The following RGL3 variants were observed in gnomAD, a reference collection of about 807,000 sequenced individuals.
RGL3 encodes the protein ral guanine nucleotide dissociation stimulator like 3, also known as ral guanine nucleotide dissociation stimulator-like 3.
RGL3 carries 85 observed loss-of-function variants against 90.6 expected under a neutral mutation model. That is an observed-to-expected ratio of 0.94 (90% CI 0.79 to 1.12). The LOEUF (loss-of-function observed/expected upper bound fraction) is 1.12. Among genes scored for constraint, RGL3 ranks in the 50% most tolerant of loss-of-function variants. The pLI, the probability that RGL3 is intolerant of heterozygous loss-of-function variation, is 0.00. For synonymous variants in RGL3, 408 were observed against 385.5 expected, an observed-to-expected ratio of 1.06 and a Z score of -0.68; for missense variants, 1,034 against 939.2, an observed-to-expected ratio of 1.10 and a Z score of -1.32.
chr19:11,394,768 A>G (rs1968535757), intron 18 of RGL3: 6 of 420,486 alleles, frequency 1.4e-5, no homozygotes, highest in Middle Eastern at 6.9e-4. Context: ...CCCCCTCACC[A>G]TAGAGACAAG....
intron 11 of RGL3, 96 bp from the exon 12 acceptor site, chr19:11,402,343 G>C (rs1436743377): frequency 1.8e-5 from 28 of 1,579,876 alleles, no homozygotes; most frequent in Non-Finnish European, 2.3e-5. Context: ...TGTAGTAAGG[G>C]AGTGTGGGGT....
Position 11,405,324 on chromosome 19 carries a change from G to A in RGL3, c.1099C>T (p.Arg367Trp), listed in dbSNP as rs757957881. 6.2e-7 allele frequency: 1 copy of A among 1,613,230 alleles called. No individual in the cohort carries two copies. Among genetic ancestry groups the A allele is most frequent in the Non-Finnish European group, 8.5e-7 (1 of 1,179,638 alleles). Reference sequence around the variant, plus strand: ...GGAACAGGTCCCGCCCCAGCTCACCGGCTCACTGCCCCCCAGCTGCGCTTG... The same window carrying A: ...GGAACAGGTCCCGCCCCAGCTCACCAGCTCACTGCCCCCCAGCTGCGCTTG... ...RLKRSWGAVS[R>W]EPLSTFRKLS... Residue 367 changes from arginine to tryptophan, a missense_variant and splice_region_variant, in exon 8 of 19, where the codon CGG (arginine) becomes TGG (tryptophan). Physicochemically the swap from Arg to Trp is moderately radical, Grantham distance 101. Transcript: ENST00000380456.
chr19:11,400,006 GATCCCCAGTCCC>G, intron 15 of RGL3, 22 bp downstream of exon 15: 2 of 1,598,180 alleles, frequency 1.3e-6, no homozygotes, highest in Non-Finnish European at 1.7e-6. Flanking sequence ...CTGATCCCAT[GATCCCCAGTCCC>G]ATCACCAAGC....
At position 11,409,313 on chromosome 19, in the gene RGL3, T is replaced by G. The variant is rs1378987675; in HGVS notation, c.638-2449A>C. Among the ~76,000 whole-genome samples the G allele has an allele frequency of 2.0e-5, 3 of 152,068 alleles. No homozygotes were observed. In the East Asian group the frequency reaches 5.8e-4, roughly 29 times the overall value. On this transcript the variant is annotated intron_variant, in intron 5 of 18. Coordinates refer to ENST00000380456, the MANE Select transcript of RGL3 (RefSeq NM_001035223.4). ...GGCTAACATGGTGAAACCCCGTCTCTACTAAAAAATAGAAAAAATTAGCCA... is the reference window on the plus strand; with the variant it reads ...GGCTAACATGGTGAAACCCCGTCTCGACTAAAAAATAGAAAAAATTAGCCA...
intron 1 of RGL3, 48 bp downstream of exon 1, chr19:11,419,198 C>G (rs777886923): frequency 6.3e-7 from 1 of 1,579,076 alleles, no homozygotes; most frequent in Non-Finnish European, 8.6e-7. Flanking sequence ...GTTTCTGGAC[C>G]TGCGGGTCAC....
rs1041011988 is a variant in RGL3 at position 11,408,397 on chromosome 19, C to A, written c.638-1533G>T. ...AGGAGTTCGAGACCAGCGTGGCCAA[C>A]ACGGTGAAACCCCGTCTCTACTAAA... On this transcript the variant is annotated intron_variant, in intron 5 of 18. Coordinates refer to ENST00000380456, the MANE Select transcript of RGL3 (RefSeq NM_001035223.4). 4.0e-4 allele frequency among the ~76,000 whole-genome samples: 61 copies of A among 152,162 alleles called. No homozygotes were observed. The Middle Eastern group carries it at 0.01, about 25-fold the overall frequency.
At chr19:11,413,949 T>G (rs985109103) in intron 5 of RGL3, among the ~76,000 whole-genome samples, 8 of 148,422 alleles carry the variant, frequency 5.4e-5, no homozygotes, top group African/African-American at 2.0e-4. Context: ...GGTTTCACCA[T>G]GTTAGCCAGG....
intron 13 of RGL3, among the ~76,000 whole-genome samples, chr19:11,401,226 AT>A (rs1051265868): frequency 0.072 from 9,398 of 130,630 alleles, 477 homozygotes; most frequent in African/African-American, 0.18. Context: ...AATTGTGACT[AT>A]TTTTTTTTTT....
At chr19:11,412,881 A>G (rs992375058) in intron 5 of RGL3, among the ~76,000 whole-genome samples, 2 of 152,000 alleles carry the variant, frequency 1.3e-5, no homozygotes, top group Non-Finnish European at 2.9e-5. Context: ...CAGGAGAATC[A>G]CTTGAACCCA....
Position 11,406,407 on chromosome 19 carries a change from C to G in RGL3, c.996+12G>C, listed in dbSNP as rs1163975827. The G allele has an allele frequency of 1.3e-6, 2 of 1,526,616 alleles. No individual in the cohort carries two copies. The highest frequency in any genetic ancestry group is 2.4e-5 in the South Asian group (2 of 83,714). 94.6% of individuals were successfully genotyped at this position (1,526,616 alleles called of 1,614,324 possible). On this transcript the variant is annotated intron_variant, in intron 7 of 18. Coordinates refer to ENST00000380456, the MANE Select transcript of RGL3 (RefSeq NM_001035223.4). Reference sequence around the variant, plus strand: ...CCCGCCCCCGCATCCCCTCTCCGCGCCCGCAACACACCTGGGCGATGCGGA... The same window carrying G: ...CCCGCCCCCGCATCCCCTCTCCGCGGCCGCAACACACCTGGGCGATGCGGA...
intron 5 of RGL3, among the ~76,000 whole-genome samples, chr19:11,409,949 T>A (rs1968845196): frequency 6.6e-6 from 1 of 151,160 alleles, no homozygotes; most frequent in African/African-American, 2.4e-5. Flanking sequence ...ATTTTATTTT[T>A]TTATTTTGTG....
At chr19:11,405,724 C>T (rs1968766258) in intron 7 of RGL3, among the ~76,000 whole-genome samples, 2 of 149,306 alleles carry the variant, frequency 1.3e-5, no homozygotes, top group Admixed American at 6.8e-5. Flanking sequence ...TGGACAGAGT[C>T]TCGCTTTATC....
At chr19:11,400,432 G>A in intron 13 of RGL3, 135 bp from the exon 14 acceptor site, 2 of 631,344 alleles carry the variant, frequency 3.2e-6, no homozygotes, top group South Asian at 4.7e-5. Context: ...ACATGCCAGG[G>A]TCAGGGTGGT....
intron 5 of RGL3, among the ~76,000 whole-genome samples, chr19:11,408,540 C>T (rs1159737271): frequency 6.6e-6 from 1 of 150,744 alleles, no homozygotes; most frequent in African/African-American, 2.4e-5. Flanking sequence ...GAGCCGACAT[C>T]GTGTCACTGC....
chr19:11,417,678 G>A lies in RGL3; in HGVS notation c.148-619C>T, dbSNP rs553958358. Among the ~76,000 whole-genome samples the A allele has an allele frequency of 4.0e-5, 6 of 151,550 alleles. No individual in the cohort carries two copies. In the South Asian group the frequency reaches 1.3e-3, roughly 32 times the overall value. ...GTAGAGACGGTGTTTCACCGTCTTG[G>A]CCAGGTTGGTCTTGAACTCCTGACC... is the stretch of plus-strand genomic sequence containing the variant. On this transcript the variant is annotated intron_variant, in intron 2 of 18. Coordinates refer to ENST00000380456, the MANE Select transcript of RGL3 (RefSeq NM_001035223.4).
intron 6 of RGL3, 21 bp from the exon 7 acceptor site, chr19:11,406,655 G>A: frequency 6.3e-7 from 1 of 1,587,382 alleles, no homozygotes; most frequent in East Asian, 2.3e-5. Context: ...GGAGGGGTGT[G>A]GGATTGGTGC....
At chr19:11,403,127 C>G (rs182557726) in intron 9 of RGL3, among the ~76,000 whole-genome samples, 2,175 of 148,726 alleles carry the variant, frequency 0.015, 52 homozygotes, top group African/African-American at 0.05. Flanking sequence ...CTCCGCCCCC[C>G]GGGGTTCACG....
chr19:11,397,096 C>T lies in RGL3; in HGVS notation c.2014+148G>A. On this transcript the variant is annotated intron_variant, in intron 18 of 18. Transcript: ENST00000380456. ...TTACAGGTATTTTATGTCCTCTTAC[C>T]TCCACTGATTATCTTACCCCTACTC... The T allele has an allele frequency of 4.7e-6, 3 of 637,990 alleles. No individual in the cohort carries two copies. In the South Asian group the frequency reaches 5.7e-5, roughly 12 times the overall value. 39.5% of individuals were successfully genotyped at this position (637,990 alleles called of 1,614,324 possible).
At chr19:11,400,460 C>T (rs1022510714) in intron 13 of RGL3, among the ~76,000 whole-genome samples, 163 bp from the exon 14 acceptor site, 1 of 152,048 alleles carries the variant, frequency 6.6e-6, no homozygotes, top group Non-Finnish European at 1.5e-5. Context: ...GGTCATTGAG[C>T]ATCAAGGTCT....
Sources: gnomAD v4.1 joint callset for allele counts (sites outside exome capture counted in the v4.1 genomes callset) on GRCh38, gnomAD v4.1.1 for gene constraint, MANE v1.5 for transcripts, NCBI Gene and HGNC (gene_info 2026-07-23, HGNC 2026-07-21) for gene names.